The following TBCE variants were observed in gnomAD, a reference collection of about 807,000 sequenced individuals.
The protein encoded by TBCE is tubulin folding cofactor E, also known as tubulin-specific chaperone E.
TBCE carries 53 observed loss-of-function variants against 77.0 expected under a neutral mutation model. The ratio of observed to expected loss-of-function variants is 0.69; its 90% CI spans 0.55 to 0.87. TBCE has a LOEUF of 0.87. TBCE is among the 40% of genes least tolerant of loss of function. TBCE has a pLI of 0.00. For synonymous variants in TBCE, 235 were observed against 241.3 expected, an observed-to-expected ratio of 0.97 and a Z score of 0.24; for missense variants, 624 against 622.4, an observed-to-expected ratio of 1.00 and a Z score of -0.03.
At chr1:235,406,978 G>C (rs1241882770) in intron 3 of TBCE, among the ~76,000 whole-genome samples, 3 of 151,798 alleles carry the variant, frequency 2.0e-5, no homozygotes, top group Non-Finnish European at 4.4e-5. Context: ...GGTATTATAG[G>C]AAAGTGCCAC....
rs182268162 is a variant in TBCE at position 235,430,725 on chromosome 1, C to T, written c.581C>T (p.Pro194Leu). 1.4e-5 allele frequency: 23 copies of T among 1,613,084 alleles called. No individual in the cohort carries two copies. The East Asian group carries it at 4.7e-4, about 33-fold the overall frequency. ...LNVSENKLKFPSGSVLTGTLS... is the reference protein window; with the variant it reads ...LNVSENKLKFLSGSVLTGTLS... The stretch of plus-strand genomic sequence containing the variant: ...CACAGTGAAAATAAACTAAAATTTC[C>T]CTCCGGTTCAGTATTAACTGGAACG... The change falls in exon 7 of 17, where the codon CCC becomes CTC. Residue 194 changes from proline to leucine, a missense_variant. By Grantham distance (98) the Pro-to-Leu change is moderately conservative. Coordinates refer to ENST00000642610, the MANE Select transcript of TBCE (RefSeq NM_003193.5).
intron 5 of TBCE, among the ~76,000 whole-genome samples, chr1:235,420,063 A>G (rs1007708760): frequency 1.3e-5 from 2 of 149,132 alleles, no homozygotes; most frequent in South Asian, 4.3e-4. Flanking sequence ...CAGCCTGGAG[A>G]CAGAACAAGA....
rs202067569 is a variant in TBCE at position 235,450,336 on chromosome 1, C to T, written c.*1574C>T. ...ACAGGTCTTCTCACACAGCCACAGA[C>T]TGTCCTGTTGAGAAACAACCAAAGC... On this transcript the variant is annotated 3_prime_UTR_variant, in exon 17 of 17. Coordinates refer to ENST00000642610, the MANE Select transcript of TBCE (RefSeq NM_003193.5). The T allele has an allele frequency of 1.1e-4, 174 of 1,613,932 alleles. No individual in the cohort carries two copies. Among genetic ancestry groups the T allele is most frequent in the Non-Finnish European group, 1.3e-4 (155 of 1,179,954 alleles).
At chr1:235,448,220 CAA>C (rs59405398) in intron 15 of TBCE, 127 bp from the exon 16 acceptor site, 15,945 of 500,738 alleles carry the variant, frequency 0.032, no homozygotes, top group East Asian at 0.044. Context: ...AAGTCAGTCT[CAA>C]AAAAAAAAAA....
Position 235,411,694 on chromosome 1 carries a change from C to G in TBCE, c.186-2739C>G, listed in dbSNP as rs547481256. On this transcript the variant is annotated intron_variant, in intron 3 of 16. Coordinates refer to ENST00000642610, the MANE Select transcript of TBCE (RefSeq NM_003193.5). ...ATGTTTAACTTACAGAAACAAATCA[C>G]TGATGTGTGTGTATAAGCCATGAGA... 1.9e-4 allele frequency among the ~76,000 whole-genome samples: 29 copies of G among 152,232 alleles called. No homozygotes were observed. In the Middle Eastern group the frequency reaches 0.017, roughly 89 times the overall value.
At chr1:235,439,786 C>G (rs1681719345) in intron 13 of TBCE, among the ~76,000 whole-genome samples, 2 of 151,776 alleles carry the variant, frequency 1.3e-5, no homozygotes, top group Non-Finnish European at 2.9e-5. Context: ...CCGTGCGTAG[C>G]AGGAAAGCAT....
chr1:235,387,131 T>C (rs1678060785), intron 2 of TBCE, among the ~76,000 whole-genome samples: 1 of 152,210 alleles, frequency 6.6e-6, no homozygotes, highest in South Asian at 2.1e-4. Flanking sequence ...GAACCGCGAA[T>C]GCTGCTGTCT....
chr1:235,448,799 T>C lies in TBCE; in HGVS notation c.*37T>C. On this transcript the variant is annotated 3_prime_UTR_variant, in exon 17 of 17. Transcript: ENST00000642610. ...TAAAATTTAAAGACCACACTGCTTA[T>C]CGTGTCTGGGGTTCACCGGAAATAA... is the stretch of plus-strand genomic sequence containing the variant. 1.4e-6 allele frequency: 2 copies of C among 1,415,734 alleles called. No homozygotes were observed. Among genetic ancestry groups the C allele is most frequent in the African/African-American group, 1.4e-5 (1 of 71,110 alleles). The allele number at this position is 1,415,734 out of a possible 1,614,324, so 87.7% of individuals were successfully genotyped here.
At chr1:235,443,011 A>G (rs1682000137) in intron 15 of TBCE, 100 bp downstream of exon 15, 2 of 1,167,354 alleles carry the variant, frequency 1.7e-6, no homozygotes, top group Admixed American at 1.9e-5. Context: ...CAAAGTGTGG[A>G]CCTCAGAACT....
chr1:235,408,394 A>T (rs916452366), intron 3 of TBCE, among the ~76,000 whole-genome samples: 1 of 151,650 alleles, frequency 6.6e-6, no homozygotes, highest in Admixed American at 6.6e-5. Flanking sequence ...ATGGATTGGT[A>T]TAAAATATTC....
chr1:235,448,904 T>A lies in TBCE; in HGVS notation c.*142T>A, dbSNP rs7537. The A allele has an allele frequency of 0.099, 68,590 of 694,646 alleles. 4,218 individuals are homozygous for A. Among genetic ancestry groups the A allele is most frequent in the African/African-American group, 0.23 (13,124 of 56,592 alleles). The allele number at this position is 694,646 out of a possible 1,614,324, so 43.0% of individuals were successfully genotyped here. ...TAAGTATAACAAGGGATGTATTTTT[T>A]GTTGGGAAGTGACCATTTCTAGGCT... On this transcript the variant is annotated 3_prime_UTR_variant, in exon 17 of 17. Coordinates refer to ENST00000642610, the MANE Select transcript of TBCE (RefSeq NM_003193.5).
At chr1:235,391,600 CTTTTTTTTTT>C (rs58265980) in intron 2 of TBCE, among the ~76,000 whole-genome samples, 1 of 85,398 alleles carries the variant, frequency 1.2e-5, no homozygotes, top group Non-Finnish European at 2.1e-5. Flanking sequence ...GCTTCATTTC[CTTTTTTTTTT>C]TTTTTTTTTT....
intron 2 of TBCE, among the ~76,000 whole-genome samples, chr1:235,385,754 G>A (rs1225840245): frequency 2.0e-5 from 3 of 152,086 alleles, no homozygotes; most frequent in Admixed American, 1.3e-4. Context: ...ACACTGATGG[G>A]TCTTGACTCT....
chr1:235,436,235 A>G (rs1681441354), intron 9 of TBCE, 151 bp from the exon 10 acceptor site: 10 of 705,330 alleles, frequency 1.4e-5, no homozygotes, highest in Admixed American at 2.2e-5. Flanking sequence ...TTCACTTTGC[A>G]TGTCCTAAGT....
At chr1:235,400,555 C>T (rs1190913772) in intron 2 of TBCE, among the ~76,000 whole-genome samples, 3 of 151,010 alleles carry the variant, frequency 2.0e-5, no homozygotes, top group South Asian at 4.2e-4. Context: ...CGCTCGCCAC[C>T]GTGCCTGGCT....
chr1:235,436,558 A>G lies in TBCE; in HGVS notation c.913A>G (p.Met305Val), dbSNP rs1168144634. ...PDAGIGCKTS[M>V]FPSLKYLVVN... ...TCTTTTTATAGGGTGCAAAACGTCC[A>G]TGTTCCCATCCTTGAAGTACCTGGT... Residue 305 changes from methionine (M) to valine (V), a missense_variant, in exon 11 of 17, where the codon ATG becomes GTG. Transcript: ENST00000642610. 6.2e-7 allele frequency: 1 copy of G among 1,614,062 alleles called. No homozygotes were observed. Among genetic ancestry groups the G allele is most frequent in the South Asian group, 1.1e-5 (1 of 91,084 alleles).
intron 4 of TBCE, among the ~76,000 whole-genome samples, chr1:235,417,304 G>A (rs549739063): frequency 4.6e-5 from 7 of 152,294 alleles, no homozygotes; most frequent in Admixed American, 1.3e-4. Flanking sequence ...CGGACACAGT[G>A]CAAACTACAG....
intron 1 of TBCE, among the ~76,000 whole-genome samples, chr1:235,375,536 A>G (rs532170598): frequency 6.6e-6 from 1 of 152,214 alleles, no homozygotes; most frequent in East Asian, 1.9e-4. Context: ...AACAGGCAAT[A>G]AGGGTGCAGA....
intron 2 of TBCE, among the ~76,000 whole-genome samples, chr1:235,386,672 G>A (rs1346809227): frequency 9.9e-5 from 15 of 152,144 alleles, no homozygotes; most frequent in African/African-American, 3.6e-4. Context: ...GCACTTCTCT[G>A]TATTGGTTAT....
Sources: allele counts gnomAD v4.1 joint callset (sites outside exome capture counted in the v4.1 genomes callset), GRCh38; gene constraint gnomAD v4.1.1; transcripts MANE v1.5; gene names NCBI Gene and HGNC (gene_info 2026-07-23, HGNC 2026-07-21).